Variants in RNF11 observed in about 807,000 individuals in gnomAD.
RNF11 encodes the protein ring finger protein 11.
RNF11 carries 4 observed loss-of-function variants against 15.8 expected under a neutral mutation model. The observed-to-expected ratio is 0.25, with a 90% CI of 0.12 to 0.58. The LOEUF (loss-of-function observed/expected upper bound fraction) is 0.58, where lower values mean the gene tolerates loss of function less well. Ranked by LOEUF, RNF11 falls within the 20% of genes least tolerant of loss-of-function variation. RNF11 has a pLI of 0.91. For missense variants in RNF11, 139 were observed against 194.4 expected (o/e 0.71, Z 1.70); for synonymous variants, 68 against 72.3 (o/e 0.94, Z 0.30).
chr1:51,242,629 G>A (rs1196539124), intron 1 of RNF11, among the ~76,000 whole-genome samples: 1 of 152,016 alleles, frequency 6.6e-6, no homozygotes, highest in Non-Finnish European at 1.5e-5. Context: ...TGTTTTGTGG[G>A]GGATGGGCTT....
At chr1:51,246,212 G>A (rs1646851011) in intron 1 of RNF11, among the ~76,000 whole-genome samples, 1 of 151,974 alleles carries the variant, frequency 6.6e-6, no homozygotes, top group South Asian at 2.1e-4. Flanking sequence ...TTGTGTTGAG[G>A]CTAGGTTGCG....
intron 1 of RNF11, among the ~76,000 whole-genome samples, chr1:51,252,805 T>TTGTG (rs145075866): frequency 0.044 from 6,266 of 143,878 alleles, 355 homozygotes; most frequent in African/African-American, 0.14. Context: ...TTTGTCCAGT[T>TTGTG]TGTGTGTGTG....
At chr1:51,248,096 CTTTTTT>C (rs1157196813) in intron 1 of RNF11, among the ~76,000 whole-genome samples, 1 of 91,690 alleles carries the variant, frequency 1.1e-5, no homozygotes, top group Admixed American at 1.1e-4. Context: ...CTAGTTTCTT[CTTTTTT>C]TTTTTTTTTT....
chr1:51,237,440 G>GTGTA (rs1646809890), intron 1 of RNF11, among the ~76,000 whole-genome samples: 1 of 128,276 alleles, frequency 7.8e-6, no homozygotes, highest in African/African-American at 2.9e-5. Flanking sequence ...ATATATATAT[G>GTGTA]TGTATATATA....
At chr1:51,238,664 C>T (rs936833276) in intron 1 of RNF11, among the ~76,000 whole-genome samples, 2 of 152,112 alleles carry the variant, frequency 1.3e-5, no homozygotes, top group Non-Finnish European at 2.9e-5. Context: ...GTGAAGCAAG[C>T]AAGCTATGTT....
intron 1 of RNF11, among the ~76,000 whole-genome samples, chr1:51,238,045 AT>A (rs200049601): frequency 0.021 from 3,203 of 152,266 alleles, 96 homozygotes; most frequent in African/African-American, 0.065. Flanking sequence ...TGATTGTGGT[AT>A]TACAGAAGCC....
rs974073460 is a variant in RNF11, at chr1:51,256,777, G to A, written c.124-13179G>A. On this transcript the variant is annotated intron_variant, in intron 1 of 2. Coordinates refer to ENST00000242719, the MANE Select transcript of RNF11 (RefSeq NM_014372.5). Reference sequence around the variant, plus strand: ...CAACCTCCACCTCCCTGGCTCAAGCGATTCTCGTGCCTTAGCCTCCCGAGT... The same window carrying A: ...CAACCTCCACCTCCCTGGCTCAAGCAATTCTCGTGCCTTAGCCTCCCGAGT... Among the ~76,000 whole-genome samples, 48 of 152,084 alleles carry A rather than the reference G, an allele frequency of 3.2e-4. 1 individual carries two copies. The highest frequency in any genetic ancestry group is 3.4e-4 in the Non-Finnish European group (23 of 68,030).
At chr1:51,249,462 C>A (rs544391110) in intron 1 of RNF11, among the ~76,000 whole-genome samples, 252 of 152,234 alleles carry the variant, frequency 1.7e-3, no homozygotes, top group Non-Finnish European at 1.4e-3. Context: ...AGTCTGTTTC[C>A]AAGCCCCCAA....
intron 1 of RNF11, among the ~76,000 whole-genome samples, chr1:51,237,438 A>ATGTG (rs1553168205): frequency 8.4e-6 from 1 of 119,086 alleles, no homozygotes; most frequent in African/African-American, 3.1e-5. Flanking sequence ...ATATATATAT[A>ATGTG]TGTGTATATA....
intron 1 of RNF11, among the ~76,000 whole-genome samples, chr1:51,248,692 G>A (rs868771494): frequency 2.6e-5 from 4 of 152,178 alleles, no homozygotes; most frequent in Middle Eastern, 3.2e-3. Context: ...TGATCAGTTT[G>A]TGATAGGGCA....
chr1:51,262,089 AG>A (rs998046459), intron 1 of RNF11, among the ~76,000 whole-genome samples: 25 of 152,136 alleles, frequency 1.6e-4, no homozygotes, highest in Non-Finnish European at 3.1e-4. Flanking sequence ...TCCTGGTCTC[AG>A]GTGATCCACC....
intron 1 of RNF11, among the ~76,000 whole-genome samples, chr1:51,241,286 A>G (rs1646827981): frequency 6.6e-6 from 1 of 152,044 alleles, no homozygotes; most frequent in African/African-American, 2.4e-5. Context: ...TCCTTTAGAG[A>G]TGAGGTCTTG....
At chr1:51,248,059 A>T (rs1364694099) in intron 1 of RNF11, among the ~76,000 whole-genome samples, 1 of 151,386 alleles carries the variant, frequency 6.6e-6, no homozygotes, top group African/African-American at 2.4e-5. Flanking sequence ...GCGAGGCCTT[A>T]AGGGTAAGAA....
chr1:51,259,517 A>C (rs902878437), intron 1 of RNF11, among the ~76,000 whole-genome samples: 24 of 152,250 alleles, frequency 1.6e-4, no homozygotes, highest in Non-Finnish European at 3.2e-4. Flanking sequence ...GCAGCTTCTC[A>C]TCCATCCTGA....
At chr1:51,246,263 C>CCCAACA (rs1646851210) in intron 1 of RNF11, among the ~76,000 whole-genome samples, 1 of 151,734 alleles carries the variant, frequency 6.6e-6, no homozygotes, top group Admixed American at 6.6e-5. Flanking sequence ...GAAACTCCAT[C>CCCAACA]TCAACAACAA....
At chr1:51,262,803 G>A (rs999605207) in intron 1 of RNF11, among the ~76,000 whole-genome samples, 4 of 146,378 alleles carry the variant, frequency 2.7e-5, no homozygotes, top group Non-Finnish European at 4.5e-5. Context: ...CCTGACCTCA[G>A]GTGATCTGCC....
chr1:51,268,683 C>T (rs1025925355), intron 1 of RNF11, among the ~76,000 whole-genome samples: 4 of 152,140 alleles, frequency 2.6e-5, no homozygotes, highest in Non-Finnish European at 5.9e-5. Context: ...TCCCAGTTTG[C>T]GTGTGGATGA....
chr1:51,262,766 C>T (rs1646936840), intron 1 of RNF11, among the ~76,000 whole-genome samples: 1 of 133,062 alleles, frequency 7.5e-6, no homozygotes, highest in African/African-American at 2.9e-5. Flanking sequence ...CAAGGTTTGA[C>T]CATGTTGGCC....
chr1:51,246,029 G>A (rs1646850280), intron 1 of RNF11, among the ~76,000 whole-genome samples: 1 of 152,146 alleles, frequency 6.6e-6, no homozygotes, highest in South Asian at 2.1e-4. Flanking sequence ...ACTTTGGGAG[G>A]CTGAGGTGGG....
Sources: allele counts gnomAD v4.1 joint callset (sites outside exome capture counted in the v4.1 genomes callset), GRCh38; gene constraint gnomAD v4.1.1; transcripts MANE v1.5; gene names NCBI Gene and HGNC (gene_info 2026-07-23, HGNC 2026-07-21).